The following EP400 variants were observed in gnomAD, a reference collection of about 807,000 sequenced individuals.
EP400 encodes the protein E1A-binding protein p400.
Under a neutral mutation model 354.1 loss-of-function variants are expected in EP400, and 105 were observed. The ratio of observed to expected loss-of-function variants is 0.30; its 90% CI spans 0.25 to 0.35. The LOEUF (loss-of-function observed/expected upper bound fraction) is 0.35, where lower values mean the gene tolerates loss of function less well. Among genes scored for constraint, EP400 ranks in the 10% least tolerant of loss-of-function variants. The probability of loss-of-function intolerance (pLI) is 1.00; values close to 1 mark genes in which losing one functional copy is unlikely to be tolerated. For missense variants in EP400, 3,280 were observed against 4,121.0 expected, an observed-to-expected ratio of 0.80 and a Z score of 5.59; for synonymous variants, 1,646 against 1,716.9, an observed-to-expected ratio of 0.96 and a Z score of 1.02.
chr12:131,967,928 A>G (rs1892158207), intron 2 of EP400, among the ~76,000 whole-genome samples: 1 of 152,198 alleles, frequency 6.6e-6, no homozygotes, highest in Non-Finnish European at 1.5e-5. Context: ...TCTTTGACAA[A>G]GTATCTGTTC....
At chr12:131,992,298 C>G (rs1397514193) in intron 11 of EP400, 68 bp downstream of exon 11, 6 of 1,440,198 alleles carry the variant, frequency 4.2e-6, no homozygotes, top group Non-Finnish European at 5.7e-6. Flanking sequence ...AGAGCTGCAG[C>G]GACTTGGGGT....
chr12:132,039,730 A>G (rs1365245972), intron 32 of EP400, among the ~76,000 whole-genome samples: 1 of 152,190 alleles, frequency 6.6e-6, no homozygotes, highest in Non-Finnish European at 1.5e-5. Flanking sequence ...AGGTTGAAAA[A>G]GAAAAACAAC....
chr12:131,962,808 G>A (rs1406568077), intron 2 of EP400, among the ~76,000 whole-genome samples: 1 of 152,192 alleles, frequency 6.6e-6, no homozygotes, highest in Non-Finnish European at 1.5e-5. Context: ...TACTATGTTG[G>A]TGGAGCTTAT....
At chr12:131,968,013 G>A (rs2136474171) in intron 2 of EP400, among the ~76,000 whole-genome samples, 1 of 152,224 alleles carries the variant, frequency 6.6e-6, no homozygotes, top group Non-Finnish European at 1.5e-5. Flanking sequence ...TTTTTTGTCA[G>A]CTACATGTTT....
chr12:131,996,001 A>G (rs1893200726), intron 12 of EP400, among the ~76,000 whole-genome samples: 1 of 152,286 alleles, frequency 6.6e-6, no homozygotes, highest in African/African-American at 2.4e-5. Flanking sequence ...CATACGAACG[A>G]ATCCACCACA....
At chr12:131,979,059 T>TTA in intron 2 of EP400, among the ~76,000 whole-genome samples, 1 of 151,666 alleles carries the variant, frequency 6.6e-6, no homozygotes, top group Non-Finnish European at 1.5e-5. Context: ...TACTAAAAAT[T>TTA]CAAAAAAACT....
Position 132,055,191 on chromosome 12 carries a change from G to C in EP400, c.7867G>C (p.Ala2623Pro), listed in dbSNP as rs751534052. The C allele has an allele frequency of 9.6e-6, 15 of 1,568,688 alleles. No homozygotes were observed. The highest frequency in any genetic ancestry group is 1.3e-5 in the Non-Finnish European group (15 of 1,156,324). Residue 2623 changes from alanine (A) to proline (P), a missense_variant, in exon 45 of 53, where the codon GCT becomes CCT. Physicochemically the swap from Ala to Pro is conservative, Grantham distance 27. Coordinates refer to ENST00000389561, the MANE Select transcript of EP400 (RefSeq NM_015409.5). ...SINKRLASPV[A>P]PGALTTPGGS... ...CAACAAGCGCCTGGCGTCGCCAGTG[G>C]CTCCTGGGGCCTTGACTGTGAGTTG... is the stretch of plus-strand genomic sequence containing the variant.
chr12:131,980,293 T>C (rs1261064479), intron 3 of EP400, among the ~76,000 whole-genome samples: 2 of 152,220 alleles, frequency 1.3e-5, no homozygotes, highest in Non-Finnish European at 2.9e-5. Flanking sequence ...CATTGTTACA[T>C]ATGTGATACT....
At chr12:132,041,110 A>G (rs1200252321) in intron 32 of EP400, among the ~76,000 whole-genome samples, 1 of 152,214 alleles carries the variant, frequency 6.6e-6, no homozygotes, top group Non-Finnish European at 1.5e-5. Flanking sequence ...ACAGAGAGGT[A>G]GGTTAGCCTT....
intron 29 of EP400, 60 bp downstream of exon 29, chr12:132,030,218 A>G: frequency 6.3e-6 from 10 of 1,579,306 alleles, no homozygotes; most frequent in Non-Finnish European, 8.6e-6. Flanking sequence ...TGAATGCCTA[A>G]GTGCTGTGTA....
chr12:132,071,705 T>G (rs1896072811), intron 51 of EP400, among the ~76,000 whole-genome samples: 1 of 152,186 alleles, frequency 6.6e-6, no homozygotes, highest in Admixed American at 6.5e-5. Flanking sequence ...GGATGTCTTC[T>G]GCAGAGCCCT....
rs187278907 is a variant in EP400, at chr12:132,060,069, A to G, written c.7885-2041A>G. Among the ~76,000 whole-genome samples, 273 of 152,286 alleles carry G rather than the reference A, an allele frequency of 1.8e-3. 2 individuals carry two copies. Among genetic ancestry groups the G allele is most frequent in the Non-Finnish European group, 3.3e-3 (222 of 68,034 alleles). On this transcript the variant is annotated intron_variant, in intron 45 of 52. Coordinates refer to ENST00000389561, the MANE Select transcript of EP400 (RefSeq NM_015409.5). ...TCTATTTTAAGGAAATAGAAGATTG[A>G]GAGTATCTGAATATCTGTAAGCAGG...
intron 10 of EP400, among the ~76,000 whole-genome samples, chr12:131,991,706 G>A (rs568822524): frequency 8.0e-5 from 12 of 150,938 alleles, no homozygotes; most frequent in Admixed American, 2.0e-4. Flanking sequence ...TCAGCCTCCC[G>A]AGTAGCTAGG....
Position 132,069,493 on chromosome 12 carries a change from A to G in EP400, c.8875-2A>G. The G allele has an allele frequency of 6.2e-7, 1 of 1,613,982 alleles. No individual in the cohort carries two copies. Among genetic ancestry groups the G allele is most frequent in the Non-Finnish European group, 8.5e-7 (1 of 1,179,872 alleles). ...GGCCCTAATTTCGCAGTCTCTCCCC[A>G]GATCACCGCACAGCAGATCACCACC... On this transcript the variant is annotated splice_acceptor_variant, in intron 50 of 52. Transcript: ENST00000389561. LOFTEE classifies it high-confidence loss of function.
chr12:132,065,926 TTAAC>T (rs1338025507), intron 48 of EP400: 2 of 152,226 alleles, frequency 1.3e-5, no homozygotes, highest in African/African-American at 4.8e-5. Flanking sequence ...GCACGCTTAT[TTAAC>T]TAAACACCCC....
chr12:131,963,744 C>G, intron 2 of EP400: 1 of 836,702 alleles, frequency 1.2e-6, no homozygotes, highest in Non-Finnish European at 1.8e-6. Context: ...ATTTTTTTTC[C>G]AGAGCCCATT....
At chr12:131,999,606 T>G (rs1194811540) in intron 12 of EP400, among the ~76,000 whole-genome samples, 1 of 152,000 alleles carries the variant, frequency 6.6e-6, no homozygotes, top group Non-Finnish European at 1.5e-5. Flanking sequence ...GCCTGGCTAT[T>G]TTTTATATTT....
rs117863638 is a variant in EP400 at position 132,055,280 on chromosome 12, C to A, written c.7884+72C>A. On this transcript the variant is annotated intron_variant, in intron 45 of 52. Transcript: ENST00000389561. The stretch of plus-strand genomic sequence containing the variant: ...GAAATTATTTGCTTGTCTGTTAATT[C>A]TTCTTCTTCTTTTTAAGTATTCCAT... The A allele has an allele frequency of 2.5e-3, 3,042 of 1,221,860 alleles. 9 individuals are homozygous for A. The highest frequency in any genetic ancestry group is 3.2e-3 in the Non-Finnish European group (2,807 of 887,692). 75.7% of individuals were successfully genotyped at this position (1,221,860 alleles called of 1,614,324 possible).
intron 42 of EP400, 59 bp from the exon 43 acceptor site, chr12:132,053,284 G>A: frequency 1.2e-6 from 2 of 1,608,622 alleles, no homozygotes; most frequent in Admixed American, 3.3e-5. Context: ...ACTTCATCCA[G>A]GGGGTATGCA....
Sources: allele counts gnomAD v4.1 joint callset (sites outside exome capture counted in the v4.1 genomes callset), GRCh38; gene constraint gnomAD v4.1.1; transcripts MANE v1.5; gene names NCBI Gene and HGNC (gene_info 2026-07-23, HGNC 2026-07-21).